Variants in LPP observed in about 807,000 individuals in gnomAD.
The protein encoded by LPP is LIM domain containing preferred translocation partner in lipoma.
Under a neutral mutation model 60.4 loss-of-function variants are expected in LPP, and 38 were observed. The observed-to-expected ratio is 0.63, with a 90% CI of 0.49 to 0.83. The LOEUF (loss-of-function observed/expected upper bound fraction) is 0.83, where lower values mean the gene tolerates loss of function less well. LPP is among the 40% of genes least tolerant of loss of function. The pLI is 0.00. For synonymous variants in LPP, 328 were observed against 290.8 expected (o/e 1.13, Z -1.30); for missense variants, 902 against 783.6 (o/e 1.15, Z -1.80).
chr3:188,739,611 G>A (rs1021689598), intron 8 of LPP, among the ~76,000 whole-genome samples: 24 of 151,910 alleles, frequency 1.6e-4, no homozygotes, highest in Non-Finnish European at 3.1e-4. Flanking sequence ...AAGGAGGAGG[G>A]GTTATAAGAT....
At chr3:188,703,048 T>A (rs1190743287) in intron 7 of LPP, among the ~76,000 whole-genome samples, 1 of 152,200 alleles carries the variant, frequency 6.6e-6, no homozygotes, top group Non-Finnish European at 1.5e-5. Flanking sequence ...AGAAATAGGA[T>A]TACATGTCAT....
intron 7 of LPP, among the ~76,000 whole-genome samples, chr3:188,656,004 A>G (rs1173973325): frequency 6.6e-6 from 1 of 151,990 alleles, no homozygotes; most frequent in African/African-American, 2.4e-5. Context: ...AGCCTGACCA[A>G]CACGGTGAAA....
At chr3:188,328,985 G>A (rs1759229538) in intron 2 of LPP, among the ~76,000 whole-genome samples, 1 of 152,132 alleles carries the variant, frequency 6.6e-6, no homozygotes, top group South Asian at 2.1e-4. Context: ...TCACTCCCTT[G>A]ATTCACTTTA....
chr3:188,365,563 G>A (rs1216538312), intron 3 of LPP, among the ~76,000 whole-genome samples: 1 of 152,162 alleles, frequency 6.6e-6, no homozygotes, highest in Non-Finnish European at 1.5e-5. Flanking sequence ...ACCTGCAAGA[G>A]GTAGTTATTC....
At chr3:188,559,359 G>A (rs1325384075) in intron 6 of LPP, among the ~76,000 whole-genome samples, 1 of 152,040 alleles carries the variant, frequency 6.6e-6, no homozygotes, top group African/African-American at 2.4e-5. Context: ...TATATGTAGT[G>A]TAACCTGTTC....
intron 3 of LPP, among the ~76,000 whole-genome samples, chr3:188,358,322 GATTATA>G (rs1427902371): frequency 6.6e-6 from 1 of 152,196 alleles, no homozygotes; most frequent in Non-Finnish European, 1.5e-5. Flanking sequence ...TCCACATGGT[GATTATA>G]ATTATAACTG....
intron 5 of LPP, among the ~76,000 whole-genome samples, chr3:188,507,678 G>A (rs979983099): frequency 2.0e-5 from 3 of 152,132 alleles, no homozygotes; most frequent in African/African-American, 7.2e-5. Context: ...CGGATGGGTG[G>A]CGGAGGTGGG....
At chr3:188,650,527 C>T (rs923906999) in intron 7 of LPP, among the ~76,000 whole-genome samples, 2 of 152,122 alleles carry the variant, frequency 1.3e-5, no homozygotes, top group African/African-American at 2.4e-5. Context: ...ACTTGCTCCG[C>T]TGCTTGTTTT....
intron 4 of LPP, among the ~76,000 whole-genome samples, chr3:188,481,016 G>A (rs1804626756): frequency 6.6e-6 from 1 of 152,102 alleles, no homozygotes; most frequent in South Asian, 2.1e-4. Context: ...TCTTAAACAT[G>A]ATAATTCTGC....
chr3:188,156,409 G>A (rs73190725), intron 1 of LPP, among the ~76,000 whole-genome samples: 13,324 of 152,242 alleles, frequency 0.088, 658 homozygotes, highest in African/African-American at 0.1. Context: ...GCCAGGCTAA[G>A]GAGTTTGGAT....
chr3:188,196,862 T>C (rs979492476), intron 1 of LPP, among the ~76,000 whole-genome samples: 1 of 152,174 alleles, frequency 6.6e-6, no homozygotes, highest in African/African-American at 2.4e-5. Context: ...CACATAGTGT[T>C]CCCTTGTCTG....
intron 9 of LPP, among the ~76,000 whole-genome samples, chr3:188,846,466 G>A (rs935429276): frequency 2.0e-5 from 3 of 151,966 alleles, no homozygotes; most frequent in Non-Finnish European, 2.9e-5. Flanking sequence ...GGCGGATCAC[G>A]TGAGGTCAGG....
At chr3:188,524,892 CG>C (rs1161165264) in intron 6 of LPP, 105 bp downstream of exon 6, 4 of 76,078 alleles carry the variant, frequency 5.3e-5, no homozygotes, top group African/African-American at 4.9e-4. Flanking sequence ...TCCTTCCTTC[CG>C]TCCGTCCTTC....
chr3:188,214,225 G>A (rs959951805), intron 1 of LPP, among the ~76,000 whole-genome samples: 2 of 152,040 alleles, frequency 1.3e-5, no homozygotes, highest in African/African-American at 4.8e-5. Flanking sequence ...CCGCCTCCTG[G>A]GTTCAAGCGA....
At chr3:188,528,891 T>C (rs376035053) in intron 6 of LPP, among the ~76,000 whole-genome samples, 7 of 152,200 alleles carry the variant, frequency 4.6e-5, no homozygotes, top group African/African-American at 1.7e-4. Flanking sequence ...CACTGTCCCT[T>C]GAATGTTGCT....
Position 188,866,634 on chromosome 3 carries a change from C to T in LPP, c.1589+256C>T, listed in dbSNP as rs114834067. On this transcript the variant is annotated intron_variant, in intron 10 of 11. Coordinates refer to ENST00000617246, the MANE Select transcript of LPP (RefSeq NM_001375462.1). Reference sequence around the variant, plus strand: ...TTGCATCTCTGGGTAATTCTAATGACGAAAAAGCTGGCTCAGCTATAGTGT... The same window carrying T: ...TTGCATCTCTGGGTAATTCTAATGATGAAAAAGCTGGCTCAGCTATAGTGT... Among the ~76,000 whole-genome samples the T allele has an allele frequency of 5.4e-3, 825 of 152,178 alleles. 4 individuals carry two copies. The highest frequency in any genetic ancestry group is 9.4e-3 in the Non-Finnish European group (640 of 68,026).
At chr3:188,528,363 T>G (rs1350252962) in intron 6 of LPP, among the ~76,000 whole-genome samples, 1 of 151,946 alleles carries the variant, frequency 6.6e-6, no homozygotes, top group African/African-American at 2.4e-5. Flanking sequence ...AAACGGAGCT[T>G]TCATTTAAAT....
intron 1 of LPP, among the ~76,000 whole-genome samples, chr3:188,172,702 C>T (rs1448556127): frequency 2.0e-5 from 3 of 152,124 alleles, no homozygotes; most frequent in African/African-American, 4.8e-5. Context: ...TACTATGGAA[C>T]GTTTGTCAAA....
intron 2 of LPP, among the ~76,000 whole-genome samples, chr3:188,266,861 C>T (rs757870721): frequency 3.9e-5 from 6 of 152,140 alleles, no homozygotes; most frequent in Non-Finnish European, 7.3e-5. Context: ...TCCTCCCGGC[C>T]CTTTCACCAA....
Sources: allele counts gnomAD v4.1 joint callset (sites outside exome capture counted in the v4.1 genomes callset), GRCh38; gene constraint gnomAD v4.1.1; transcripts MANE v1.5; gene names NCBI Gene and HGNC (gene_info 2026-07-23, HGNC 2026-07-21).